DAB1: variants seen among roughly 807,000 people sequenced by gnomAD.
DAB1 encodes DAB adaptor protein 1.
A neutral mutation model predicts 64.6 loss-of-function variants in DAB1; 15 were observed. That is an observed-to-expected ratio of 0.23 (90% CI 0.16 to 0.36). The LOEUF (loss-of-function observed/expected upper bound fraction) is 0.36, where lower values mean the gene tolerates loss of function less well. Among genes scored for constraint, DAB1 ranks in the 10% least tolerant of loss-of-function variants. The probability of loss-of-function intolerance (pLI) is 1.00; values close to 1 mark genes in which losing one functional copy is unlikely to be tolerated. For synonymous variants in DAB1, 235 were observed against 251.9 expected (o/e 0.93, Z 0.64); for missense variants, 596 against 706.7 (o/e 0.84, Z 1.78).
At chr1:58,208,586 C>G (rs1368141129) in intron 4 of DAB1, among the ~76,000 whole-genome samples, 2 of 152,178 alleles carry the variant, frequency 1.3e-5, no homozygotes, top group Non-Finnish European at 2.9e-5. Flanking sequence ...GAATAATGGT[C>G]TGCAACTCCA....
intron 1 of DAB1, among the ~76,000 whole-genome samples, chr1:57,408,187 T>A (rs114282950): frequency 0.012 from 1,829 of 152,324 alleles, 22 homozygotes; most frequent in Non-Finnish European, 0.019. Context: ...TAGCACATCG[T>A]GTTTCCATTC....
At chr1:57,244,985 G>A (rs1668755584) in intron 2 of DAB1, among the ~76,000 whole-genome samples, 1 of 152,208 alleles carries the variant, frequency 6.6e-6, no homozygotes, top group African/African-American at 2.4e-5. Context: ...TTTGGAACTG[G>A]GTAAGGGGTA....
At chr1:57,153,870 A>G (rs762260023) in intron 2 of DAB1, among the ~76,000 whole-genome samples, 2 of 151,762 alleles carry the variant, frequency 1.3e-5, no homozygotes, top group Non-Finnish European at 2.9e-5. Context: ...CGATCTCCTG[A>G]CCTTGTGATC....
chr1:57,328,316 C>T (rs771582464), intron 1 of DAB1, among the ~76,000 whole-genome samples: 1 of 152,148 alleles, frequency 6.6e-6, no homozygotes, highest in Non-Finnish European at 1.5e-5. Flanking sequence ...TTTCATCTCG[C>T]TTGCCACATT....
At chr1:58,300,864 C>T (rs922449379) in intron 4 of DAB1, among the ~76,000 whole-genome samples, 4 of 152,038 alleles carry the variant, frequency 2.6e-5, no homozygotes, top group Non-Finnish European at 5.9e-5. Context: ...TTAAATCCCG[C>T]CCACATGCAC....
chr1:57,929,714 A>G lies in DAB1; in HGVS notation n.388-45552T>C, dbSNP rs145057242. ...GAGGGCTTTTGTGTTGCATCAAAAC[A>G]TGGTAGAAAAGGTCCAAGGGGAAGC... On this transcript the variant is annotated intron_variant and non_coding_transcript_variant, in intron 5 of 20. Coordinates refer to the DAB1 transcript ENST00000485760. Among the ~76,000 whole-genome samples, 46 of 152,310 alleles carry G rather than the reference A, an allele frequency of 3.0e-4. No homozygotes were observed. The East Asian group carries it at 8.9e-3, about 29-fold the overall frequency.
In DAB1 at chr1:57,009,515, C is replaced by T. The variant is rs377194347; in HGVS notation, c.*15+1165G>A. On this transcript the variant is annotated intron_variant, in intron 14 of 14. Transcript: ENST00000371236. The stretch of plus-strand genomic sequence containing the variant: ...TAGCTTTCAGTAACTGTCTAACTTA[C>T]GTGTGGGCTAAGACTAATTCTGAGG... Among the ~76,000 whole-genome samples, 96 of 152,170 alleles carry T rather than the reference C, an allele frequency of 6.3e-4. 1 individual carries two copies. Among genetic ancestry groups the T allele is most frequent in the Admixed American group, 2.0e-4 (3 of 15,276 alleles).
chr1:58,331,345 T>G (rs1007276505), intron 4 of DAB1, among the ~76,000 whole-genome samples: 2 of 152,212 alleles, frequency 1.3e-5, no homozygotes, highest in African/African-American at 4.8e-5. Context: ...CGGAAAGTAT[T>G]CCTGGTGAAC....
At chr1:58,049,776 T>C (rs1434770148) in intron 5 of DAB1, among the ~76,000 whole-genome samples, 1 of 152,138 alleles carries the variant, frequency 6.6e-6, no homozygotes, top group Non-Finnish European at 1.5e-5. Flanking sequence ...ATTTATTCAA[T>C]AGATACTTAT....
intron 7 of DAB1, among the ~76,000 whole-genome samples, chr1:57,545,691 ATTCATAGC>A (rs1252822835): frequency 1.3e-5 from 2 of 152,090 alleles, no homozygotes; most frequent in East Asian, 3.9e-4. Flanking sequence ...TCCAATCAAA[ATTCATAGC>A]TTCTTCCCCT....
At chr1:57,569,652 C>T (rs1211552060) in intron 7 of DAB1, among the ~76,000 whole-genome samples, 2 of 151,688 alleles carry the variant, frequency 1.3e-5, no homozygotes, top group African/African-American at 2.4e-5. Context: ...ATGTAAATGA[C>T]AAGTTAATGG....
intron 2 of DAB1, among the ~76,000 whole-genome samples, chr1:57,170,082 T>C (rs7539865): frequency 0.59 from 89,211 of 151,206 alleles, 26,925 homozygotes; most frequent in African/African-American, 0.71. Flanking sequence ...CTGCAACCTC[T>C]GCATCCCAGG....
intron 6 of DAB1, among the ~76,000 whole-genome samples, chr1:57,801,588 T>C (rs1237316893): frequency 1.3e-5 from 2 of 152,190 alleles, no homozygotes; most frequent in Non-Finnish European, 2.9e-5. Context: ...ACAAAGGAAC[T>C]GTATCACCTA....
At chr1:57,207,721 G>A (rs2100312858) in intron 2 of DAB1, among the ~76,000 whole-genome samples, 1 of 152,214 alleles carries the variant, frequency 6.6e-6, no homozygotes, top group Non-Finnish European at 1.5e-5. Flanking sequence ...TGGGATTACA[G>A]GCGTGAGCCA....
At chr1:58,086,084 C>T (rs1439257382) in intron 5 of DAB1, among the ~76,000 whole-genome samples, 1 of 150,094 alleles carries the variant, frequency 6.7e-6, no homozygotes. Context: ...CTGCCTCAGC[C>T]TCCCAAGTAG....
intron 3 of DAB1, among the ~76,000 whole-genome samples, chr1:58,367,453 GA>G (rs1440208597): frequency 3.3e-5 from 5 of 152,132 alleles, no homozygotes; most frequent in Non-Finnish European, 7.4e-5. Flanking sequence ...TATGACAGAG[GA>G]GTGCAGGCCA....
At chr1:57,050,408 C>T (rs998019436) in intron 9 of DAB1, among the ~76,000 whole-genome samples, 14 of 152,218 alleles carry the variant, frequency 9.2e-5, no homozygotes, top group African/African-American at 3.4e-4. Flanking sequence ...AGACCCTTTG[C>T]TCCTTGGGGG....
chr1:57,936,700 T>A lies in DAB1; in HGVS notation n.388-52538A>T, dbSNP rs141848618. On this transcript the variant is annotated intron_variant and non_coding_transcript_variant, in intron 5 of 20. Coordinates refer to the DAB1 transcript ENST00000485760. ...TCATGTTATTTTTATTTATTTATTT[T>A]TTTTAGATGGAGTCTCGCACTGTTG... Among the ~76,000 whole-genome samples the A allele has an allele frequency of 2.8e-3, 421 of 152,270 alleles. 1 individual carries two copies. Among genetic ancestry groups the A allele is most frequent in the African/African-American group, 9.4e-3 (389 of 41,562 alleles).
rs555227734 is a variant in DAB1, at chr1:58,438,957, C to T, written n.257+67103G>A. ...CTGGACCTAAGACAGTCACTATGGG[C>T]GAGGCAGTGTGACGTAGGGAGGGTG... is the stretch of plus-strand genomic sequence containing the variant. On this transcript the variant is annotated intron_variant and non_coding_transcript_variant, in intron 3 of 20. Transcript: ENST00000485760. 1.4e-4 allele frequency among the ~76,000 whole-genome samples: 21 copies of T among 151,832 alleles called. 1 individual carries two copies. The highest frequency in any genetic ancestry group is 5.2e-4 in the Admixed American group (8 of 15,248).
Sources: allele counts gnomAD v4.1 joint callset (sites outside exome capture counted in the v4.1 genomes callset), GRCh38; gene constraint gnomAD v4.1.1; transcripts MANE v1.5; gene names NCBI Gene and HGNC (gene_info 2026-07-23, HGNC 2026-07-21).